ZNF362: variants seen among roughly 807,000 people sequenced by gnomAD.
ZNF362 encodes zinc finger protein 362.
Under a neutral mutation model 42.9 loss-of-function variants are expected in ZNF362, and 11 were observed. The observed-to-expected ratio is 0.26, with a 90% CI of 0.16 to 0.42. The LOEUF (loss-of-function observed/expected upper bound fraction) is 0.42, where lower values mean the gene tolerates loss of function less well. Among genes scored for constraint, ZNF362 ranks in the 20% least tolerant of loss-of-function variants. The pLI is 1.00. For missense variants in ZNF362, 362 were observed against 576.2 expected (o/e 0.63, Z 3.81); for synonymous variants, 255 against 257.3 (o/e 0.99, Z 0.09).
the ZNF362 span, among the ~76,000 whole-genome samples, chr1:33,176,233 C>T: frequency 8.8e-3 from 1,346 of 152,344 alleles, 14 homozygotes; most frequent in Non-Finnish European, 0.014. Flanking sequence ...AACTCTTTCT[C>T]TCTCTTTATA....
At chr1:33,236,550 A>AAAAAAAAAAAAAAAAAATAT in the ZNF362 span, among the ~76,000 whole-genome samples, 1 of 5,980 alleles carries the variant, frequency 1.7e-4, no homozygotes, top group African/African-American at 3.9e-4. Context: ...AAAAAAAAAA[A>AAAAAAAAAAAAAAAAAATAT]ATATATATAT....
rs2148111621 is a variant in ZNF362 at position 33,281,909 on chromosome 1, C to T, written c.908+98C>T. ...TGCAAGGAGGGGCAAGGACCTTCTC[C>T]AGGTGCCCATTGCCCTCGGGGTCAC... On this transcript the variant is annotated intron_variant, in intron 6 of 8. Coordinates refer to ENST00000539719, the MANE Select transcript of ZNF362 (RefSeq NM_152493.3). This position sits in a 1 kb window ranked among gnomAD's most constrained non-coding sequence, Gnocchi z 4.8. 7.6e-7 allele frequency: 1 copy of T among 1,316,636 alleles called. No homozygotes were observed. Among genetic ancestry groups the T allele is most frequent in the East Asian group, 2.3e-5 (1 of 42,850 alleles). 81.6% of individuals were successfully genotyped at this position (1,316,636 alleles called of 1,614,324 possible).
the ZNF362 span, among the ~76,000 whole-genome samples, chr1:33,189,722 T>TATATATATATATATATATATATATATAC: frequency 1.3e-4 from 13 of 102,926 alleles, no homozygotes; most frequent in African/African-American, 5.1e-4. Context: ...TATATATACA[T>TATATATATATATATATATATATATATAC]ACACACATAC....
At chr1:33,239,992 G>A in the ZNF362 span, among the ~76,000 whole-genome samples, 7 of 152,298 alleles carry the variant, frequency 4.6e-5, no homozygotes, top group South Asian at 1.4e-3. Context: ...AGGGAGAAGG[G>A]AATGCTTTTT....
chr1:33,212,982 A>G, the ZNF362 span, among the ~76,000 whole-genome samples: 1 of 152,358 alleles, frequency 6.6e-6, no homozygotes, highest in South Asian at 2.1e-4. Context: ...GAATGAATAA[A>G]CTAAATGTGG....
intron 6 of ZNF362, among the ~76,000 whole-genome samples, chr1:33,287,182 A>G (rs1316156777): frequency 1.3e-5 from 2 of 152,238 alleles, no homozygotes; most frequent in Non-Finnish European, 2.9e-5. Context: ...TAGTCTGTTC[A>G]TGGTAGAAAA....
the ZNF362 span, among the ~76,000 whole-genome samples, chr1:33,240,079 G>A: frequency 2.0e-5 from 3 of 152,198 alleles, no homozygotes; most frequent in African/African-American, 7.2e-5. Context: ...ACTCCCGGGT[G>A]AAAGCCTGAT....
chr1:33,168,377 C>G, the ZNF362 span, among the ~76,000 whole-genome samples: 1 of 115,156 alleles, frequency 8.7e-6, no homozygotes, highest in Non-Finnish European at 1.9e-5. Context: ...AGCTGGCTGT[C>G]TGAGAAAAAC....
intron 4 of ZNF362, among the ~76,000 whole-genome samples, chr1:33,279,706 C>G (rs1049746761): frequency 8.1e-5 from 12 of 148,958 alleles, no homozygotes; most frequent in African/African-American, 3.0e-4. Context: ...ACGTTCTTTC[C>G]TACTTATTTT....
At chr1:33,205,018 A>G in the ZNF362 span, among the ~76,000 whole-genome samples, 4 of 152,200 alleles carry the variant, frequency 2.6e-5, no homozygotes, top group Admixed American at 1.3e-4. Flanking sequence ...AAAGACTCAA[A>G]TAAATGGGAA....
At chr1:33,275,024 A>G in intron 2 of ZNF362, 2 of 985,452 alleles carry the variant, frequency 2.0e-6, no homozygotes, top group African/African-American at 1.7e-5. Context: ...TCATAGAATC[A>G]GGAAAAGAGG....
chr1:33,296,052 T>A (rs1646121296), intron 8 of ZNF362, among the ~76,000 whole-genome samples: 1 of 152,210 alleles, frequency 6.6e-6, no homozygotes. Context: ...CAGACAGATC[T>A]ATTTTTTGTC....
chr1:33,133,167 C>A, the ZNF362 span, among the ~76,000 whole-genome samples: 1 of 152,220 alleles, frequency 6.6e-6, no homozygotes, highest in Non-Finnish European at 1.5e-5. Flanking sequence ...ATGGACCTTC[C>A]TTGACCCAAG....
At chr1:33,253,138 A>G (rs1645770004), upstream of ZNF362, among the ~76,000 whole-genome samples, 1 of 150,374 alleles carries the variant, frequency 6.7e-6, no homozygotes, top group South Asian at 2.1e-4. Context: ...GAAAAGGACT[A>G]AGAATACCAG....
chr1:33,264,330 G>A (rs1645849611), intron 1 of ZNF362, among the ~76,000 whole-genome samples: 1 of 152,166 alleles, frequency 6.6e-6, no homozygotes, highest in Non-Finnish European at 1.5e-5. Flanking sequence ...ATTACTGGCT[G>A]GTCAGATTTC....
intron 3 of ZNF362, 57 bp downstream of exon 3, chr1:33,276,220 C>A: frequency 6.2e-7 from 1 of 1,605,954 alleles, no homozygotes; most frequent in Non-Finnish European, 8.5e-7. Flanking sequence ...GCTTCGCTTC[C>A]CCTGGGTTTT....
the ZNF362 span, among the ~76,000 whole-genome samples, chr1:33,242,573 A>C: frequency 6.6e-6 from 1 of 152,226 alleles, no homozygotes; most frequent in South Asian, 2.1e-4. Context: ...GTGAAGACCC[A>C]GAAAAAGACA....
intron 1 of ZNF362, among the ~76,000 whole-genome samples, chr1:33,262,294 A>ATTTT (rs1645833196): frequency 6.4e-5 from 6 of 93,042 alleles, no homozygotes; most frequent in African/African-American, 1.7e-4. Context: ...AGGCTTTAGG[A>ATTTT]TTCTTTTTTT....
In ZNF362 at chr1:33,295,026, G is replaced by A. The variant is rs746912481; in HGVS notation, c.987+11G>A. 69 of 1,614,044 alleles carry A rather than the reference G, an allele frequency of 4.3e-5. No homozygotes were observed. The East Asian group carries it at 1.5e-3, about 36-fold the overall frequency. ...CTCTCCAACCTCCAGGTGAGTGCCT[G>A]CCTGCCTCCTGCCCACCAGGTGCTC... On this transcript the variant is annotated intron_variant, in intron 7 of 8. Transcript: ENST00000539719.
Sources: allele counts gnomAD v4.1 joint callset (sites outside exome capture counted in the v4.1 genomes callset), GRCh38; gene constraint gnomAD v4.1.1; non-coding constraint Gnocchi (gnomAD v3.1); transcripts MANE v1.5; gene names NCBI Gene and HGNC (gene_info 2026-07-23, HGNC 2026-07-21).